The following ARHGAP8 variants were observed in gnomAD, a reference collection of about 807,000 sequenced individuals.
ARHGAP8 encodes the protein rho GTPase-activating protein 8.
A neutral mutation model predicts 46.1 loss-of-function variants in ARHGAP8; 62 were observed. The observed-to-expected ratio is 1.34, with a 90% CI of 1.10 to 1.66. The LOEUF is 1.66. Ranked by LOEUF, ARHGAP8 falls within the 40% of genes most tolerant of loss-of-function variation. The probability of loss-of-function intolerance (pLI) is 0.00; values close to 1 mark genes in which losing one functional copy is unlikely to be tolerated. For missense variants in ARHGAP8, 923 were observed against 568.4 expected (o/e 1.62, Z -6.34); for synonymous variants, 375 against 243.1 (o/e 1.54, Z -5.05).
intron 4 of ARHGAP8, among the ~76,000 whole-genome samples, chr22:44,813,726 C>T (rs947693880): frequency 7.6e-6 from 1 of 132,302 alleles, no homozygotes; most frequent in Non-Finnish European, 1.6e-5. Context: ...CACTTTCATA[C>T]ACTTACACCT....
At chr22:44,791,029 G>A (rs557318486) in intron 2 of ARHGAP8, among the ~76,000 whole-genome samples, 46 of 152,182 alleles carry the variant, frequency 3.0e-4, no homozygotes, top group African/African-American at 1.1e-3. Flanking sequence ...CACCGCACCT[G>A]GAACTTGGCC....
At chr22:44,806,064 T>C (rs373796794) in intron 3 of ARHGAP8, among the ~76,000 whole-genome samples, 1 of 152,190 alleles carries the variant, frequency 6.6e-6, no homozygotes, top group South Asian at 2.1e-4. Context: ...GAAGAGGAGC[T>C]GTGCAAAGAC....
chr22:44,779,769 GTA>G (rs1926707272), intron 1 of ARHGAP8, among the ~76,000 whole-genome samples: 1 of 150,992 alleles, frequency 6.6e-6, no homozygotes, highest in Non-Finnish European at 1.5e-5. Context: ...GGGTTTCACT[GTA>G]TTGGCCAGGC....
Position 44,752,628 on chromosome 22 carries a change from G to C in ARHGAP8, c.-72+1G>C. 1 of 147,946 alleles carries C rather than the reference G, an allele frequency of 6.8e-6. No individual in the cohort carries two copies. Among genetic ancestry groups the C allele is most frequent in the East Asian group, 2.1e-4 (1 of 4,654 alleles). The allele number at this position is 147,946 out of a possible 1,614,324, so 9.2% of individuals were successfully genotyped here. On this transcript the variant is annotated splice_donor_variant, in intron 1 of 11. Transcript: ENST00000356099. LOFTEE classifies it low-confidence loss of function (5UTR_SPLICE). ...GGGGGCCGGCGGGGTCCGTGGCCAGGTAAGGCGGGCGGCGGCGGGAGGGAG... is the reference window on the plus strand; with the variant it reads ...GGGGGCCGGCGGGGTCCGTGGCCAGCTAAGGCGGGCGGCGGCGGGAGGGAG...
intron 8 of ARHGAP8, 113 bp downstream of exon 8, chr22:44,845,455 G>A (rs1401329530): frequency 6.9e-7 from 1 of 1,447,654 alleles, no homozygotes; most frequent in Non-Finnish European, 9.5e-7. Flanking sequence ...ACCAGGAAGG[G>A]AGGGGCTCAA....
chr22:44,816,088 A>C (rs1294218789), intron 5 of ARHGAP8, among the ~76,000 whole-genome samples: 1 of 152,076 alleles, frequency 6.6e-6, no homozygotes, highest in Non-Finnish European at 1.5e-5. Flanking sequence ...AGGGGTCGTC[A>C]TTCTTCCCCA....
chr22:44,859,744 C>A lies in ARHGAP8; in HGVS notation c.891C>A (p.Ser297Arg), dbSNP rs144257107. ...ATGCCCTTCCAGGTGTGGAGAGCAG[C>A]CTGCGTGTCACTGGCTGCCGCCAGA... ...QILGITCVES[S>R]LRVTGCRQIL... is the part of the protein sequence containing the mutation. The change falls in exon 11 of 12, where the codon AGC becomes AGA. Residue 297 changes from serine (S) to arginine (R), a missense_variant. Coordinates refer to ENST00000356099, the MANE Select transcript of ARHGAP8 (RefSeq NM_181335.3). 13 of 1,613,696 alleles carry A rather than the reference C, an allele frequency of 8.1e-6. No individual in the cohort carries two copies. In the African/African-American group the frequency reaches 1.7e-4, roughly 22 times the overall value.
At chr22:44,842,471 T>A (rs1171959018) in intron 7 of ARHGAP8, among the ~76,000 whole-genome samples, 1 of 152,152 alleles carries the variant, frequency 6.6e-6, no homozygotes, top group Non-Finnish European at 1.5e-5. Flanking sequence ...TGTGACTGTT[T>A]GTAAGGTTTT....
chr22:44,768,180 A>G (rs931846301), intron 1 of ARHGAP8, among the ~76,000 whole-genome samples: 1 of 151,462 alleles, frequency 6.6e-6, no homozygotes, highest in African/African-American at 2.4e-5. Flanking sequence ...TATTTTTAGT[A>G]GAGACAGGGT....
At chr22:44,773,251 T>C (rs1926176182) in intron 1 of ARHGAP8, among the ~76,000 whole-genome samples, 1 of 152,244 alleles carries the variant, frequency 6.6e-6, no homozygotes, top group East Asian at 1.9e-4. Flanking sequence ...GTTGAATGTA[T>C]TGTCATAAGG....
At chr22:44,786,685 C>A in intron 2 of ARHGAP8, 79 bp downstream of exon 2, 1 of 1,516,942 alleles carries the variant, frequency 6.6e-7, no homozygotes, top group African/African-American at 1.4e-5. Flanking sequence ...AAAGTGGGCT[C>A]GTCAGGGGCT....
chr22:44,851,183 A>C (rs5766104), intron 10 of ARHGAP8, among the ~76,000 whole-genome samples: 1 of 151,574 alleles, frequency 6.6e-6, no homozygotes, highest in African/African-American at 2.4e-5. Flanking sequence ...ACATTTGTCC[A>C]CTTCCGGATA....
rs1227730118 is a variant in ARHGAP8 at position 44,848,945 on chromosome 22, C to T, written c.762C>T (p.Asn254=). ...TTGTGTGTGCAGGGAAGCCCGTGAACTTTGACGACTACGGGGACATTCACA... is the reference window on the plus strand; with the variant it reads ...TTGTGTGTGCAGGGAAGCCCGTGAATTTTGACGACTACGGGGACATTCACA... ...QRLYNQGKPV[N]FDDYGDIHIP... The change falls in exon 10 of 12, where the codon AAC becomes AAT. Residue 254 remains asparagine, a synonymous_variant. Transcript: ENST00000356099. 1 of 1,614,010 alleles carries T rather than the reference C, an allele frequency of 6.2e-7. No homozygotes were observed. The highest frequency in any genetic ancestry group is 1.3e-5 in the African/African-American group (1 of 74,922).
chr22:44,860,669 A>C (rs1473745629), intron 11 of ARHGAP8, among the ~76,000 whole-genome samples: 2 of 152,118 alleles, frequency 1.3e-5, no homozygotes, highest in Non-Finnish European at 2.9e-5. Flanking sequence ...GACCAGAGAG[A>C]GAGAAACCCT....
At chr22:44,813,151 C>A (rs1197449169) in intron 4 of ARHGAP8, among the ~76,000 whole-genome samples, 1 of 152,100 alleles carries the variant, frequency 6.6e-6, no homozygotes, top group Non-Finnish European at 1.5e-5. Flanking sequence ...AGACCAAGAT[C>A]TGGACAAGCG....
At chr22:44,838,170 C>T (rs1187557938) in intron 7 of ARHGAP8, among the ~76,000 whole-genome samples, 1 of 148,216 alleles carries the variant, frequency 6.7e-6, no homozygotes, top group Non-Finnish European at 1.5e-5. Flanking sequence ...CGGAGTCTTG[C>T]TCTGTTGCCC....
rs114279873 is a variant in ARHGAP8 at position 44,859,775 on chromosome 22, C to T, written c.922C>T (p.Arg308Trp). 4.7e-4 allele frequency: 758 copies of T among 1,614,060 alleles called. No individual in the cohort carries two copies. Among genetic ancestry groups the T allele is most frequent in the African/African-American group, 4.0e-3 (297 of 75,052 alleles). ...LRVTGCRQILRSLPEHNYVVL... is the reference protein window; with the variant it reads ...LRVTGCRQILWSLPEHNYVVL... ...TGTCACTGGCTGCCGCCAGATCTTA[C>T]GGAGCCTCCCAGAGCACAACTACGT... The change falls in exon 11 of 12, where the codon CGG (arginine) becomes TGG (tryptophan). Residue 308 changes from arginine to tryptophan, a missense_variant. Arg to Trp is a moderately radical substitution (Grantham distance 101, BLOSUM62 -3). Transcript: ENST00000356099.
At chr22:44,780,271 C>T (rs1235690816) in intron 1 of ARHGAP8, among the ~76,000 whole-genome samples, 2 of 152,178 alleles carry the variant, frequency 1.3e-5, no homozygotes, top group Admixed American at 6.5e-5. Context: ...GCAAGAGGAT[C>T]TCTTGAGCCC....
intron 7 of ARHGAP8, among the ~76,000 whole-genome samples, chr22:44,827,657 T>A (rs1411667388): frequency 6.6e-6 from 1 of 152,164 alleles, no homozygotes; most frequent in Non-Finnish European, 1.5e-5. Flanking sequence ...TGTGTTGTTT[T>A]AAGCTACCAA....
Sources: gnomAD v4.1 joint callset for allele counts (sites outside exome capture counted in the v4.1 genomes callset) on GRCh38, gnomAD v4.1.1 for gene constraint, MANE v1.5 for transcripts, NCBI Gene and HGNC (gene_info 2026-07-23, HGNC 2026-07-21) for gene names.